ACVR1: variants seen among roughly 807,000 people sequenced by gnomAD.
ACVR1 encodes the protein activin A receptor type 1.
A neutral mutation model predicts 57.1 loss-of-function variants in ACVR1; 38 were observed. That is an observed-to-expected ratio of 0.67 (90% confidence interval 0.51 to 0.87). The LOEUF (loss-of-function observed/expected upper bound fraction) is 0.87. ACVR1 is among the 40% of genes least tolerant of loss of function. The pLI is 0.00. For synonymous variants in ACVR1, 212 were observed against 228.1 expected, an observed-to-expected ratio of 0.93 and a Z score of 0.63; for missense variants, 463 against 638.2, an observed-to-expected ratio of 0.73 and a Z score of 2.96.
chr2:157,843,815 A>G (rs1689048245), intron 1 of ACVR1, among the ~76,000 whole-genome samples: 1 of 152,202 alleles, frequency 6.6e-6, no homozygotes. Context: ...GAAGATAACC[A>G]TTGAATATGA....
chr2:157,792,368 C>T (rs957652080), intron 3 of ACVR1, among the ~76,000 whole-genome samples: 3 of 152,212 alleles, frequency 2.0e-5, no homozygotes, highest in African/African-American at 7.2e-5. Context: ...AATCAGGCCA[C>T]AGCTGCTCCA....
At position 157,774,276 on chromosome 2, in the gene ACVR1, T is replaced by C. The variant is rs1357821752; in HGVS notation, c.544-89A>G. On this transcript the variant is annotated intron_variant, in intron 5 of 10. Transcript: ENST00000434821. ...AGCATGCATGACATTGTAACTCACA[T>C]GAAGGGCAGCAATCCGGGACACGTG... is the stretch of plus-strand genomic sequence containing the variant. The C allele has an allele frequency of 2.9e-6, 3 of 1,045,204 alleles. No homozygotes were observed. The East Asian group carries it at 7.3e-5, about 26-fold the overall frequency. 64.7% of individuals were successfully genotyped at this position (1,045,204 alleles called of 1,614,324 possible).
chr2:157,829,164 T>A (rs1269441900), intron 1 of ACVR1, among the ~76,000 whole-genome samples: 1 of 152,210 alleles, frequency 6.6e-6, no homozygotes, highest in African/African-American at 2.4e-5. Context: ...ACAGTAACAG[T>A]GGGTCTACCA....
intron 1 of ACVR1, among the ~76,000 whole-genome samples, chr2:157,839,531 C>T (rs1688905967): frequency 6.6e-6 from 1 of 152,198 alleles, no homozygotes; most frequent in African/African-American, 2.4e-5. Context: ...AGAAATGGAA[C>T]ACGTGTTTTC....
intron 9 of ACVR1, among the ~76,000 whole-genome samples, chr2:157,751,434 C>T (rs543615957): frequency 1.6e-4 from 25 of 152,208 alleles, no homozygotes; most frequent in Non-Finnish European, 2.9e-4. Context: ...AAATTCTAAC[C>T]GAATGCAAAG....
chr2:157,797,545 T>C (rs998738133), intron 3 of ACVR1, among the ~76,000 whole-genome samples: 2 of 152,214 alleles, frequency 1.3e-5, no homozygotes, highest in African/African-American at 4.8e-5. Flanking sequence ...TCTAGAAAGA[T>C]ATATAACAAC....
chr2:157,848,963 A>C (rs917134853), intron 1 of ACVR1, among the ~76,000 whole-genome samples: 2 of 152,226 alleles, frequency 1.3e-5, no homozygotes, highest in African/African-American at 4.8e-5. Flanking sequence ...AGCAGTTTAG[A>C]GGGAAAGATA....
In ACVR1 at chr2:157,817,381, G is replaced by A. The variant is rs1352008992; in HGVS notation, c.-8+1004C>T. Among the ~76,000 whole-genome samples, 3 of 152,178 alleles carry A rather than the reference G, an allele frequency of 2.0e-5. No individual in the cohort carries two copies. The South Asian group carries it at 6.2e-4, about 32-fold the overall frequency. ...CCAGTGATTGCCAAGGGCTAGTGGG[G>A]ATGGGAAATGAATAGGTAGAACACG... On this transcript the variant is annotated intron_variant, in intron 2 of 10. Transcript: ENST00000434821.
rs769630552 is a variant in ACVR1 at position 157,799,437 on chromosome 2, A to T, written c.57T>A (p.Pro19=). The change falls in exon 3 of 11, where the codon CCT becomes CCA. Residue 19 remains proline (P), a synonymous_variant. Transcript: ENST00000434821. ...ATGTGAGTCACTTACCTTCCATACT[A>T]GGGGAGGGGAGAGCAATCATGATAA... ...PVLIMIALPS[P]SMEDEKPKVN... 6.2e-7 allele frequency: 1 copy of T among 1,611,164 alleles called. No homozygotes were observed. The highest frequency in any genetic ancestry group is 1.3e-5 in the African/African-American group (1 of 74,790).
Position 157,780,627 on chromosome 2 carries a change from A to AGG in ACVR1, c.68-28_68-27insCC, listed in dbSNP as rs768846270. On this transcript the variant is annotated intron_variant, in intron 3 of 10. Coordinates refer to ENST00000434821, the MANE Select transcript of ACVR1 (RefSeq NM_001111067.4). ...TGCAAAGGAGAGAAAGGAAGGGGAA[A>AGG]AAAAAAAAAAAGAGGAATTACCGTA... The AGG allele has an allele frequency of 6.7e-6, 10 of 1,487,430 alleles. No individual in the cohort carries two copies. In the Admixed American group the frequency reaches 1.7e-4, roughly 25 times the overall value. 92.1% of individuals were successfully genotyped at this position (1,487,430 alleles called of 1,614,324 possible).
intron 8 of ACVR1, among the ~76,000 whole-genome samples, chr2:157,763,800 G>T (rs1346081497): frequency 6.6e-6 from 1 of 152,038 alleles, no homozygotes; most frequent in African/African-American, 2.4e-5. Flanking sequence ...GTATATACTG[G>T]TAAGTTATAT....
chr2:157,856,328 A>T (rs998955370), intron 1 of ACVR1, among the ~76,000 whole-genome samples: 2 of 152,244 alleles, frequency 1.3e-5, no homozygotes, highest in East Asian at 3.9e-4. Context: ...CCTGCTTTCA[A>T]CTATTCACTC....
chr2:157,773,969 A>G lies in ACVR1; in HGVS notation c.643+119T>C, dbSNP rs75757074. 8.3e-4 allele frequency: 685 copies of G among 825,568 alleles called. 5 individuals carry two copies. The African/African-American group carries it at 9.8e-3, about 12-fold the overall frequency. The allele number at this position is 825,568 out of a possible 1,614,324, so 51.1% of individuals were successfully genotyped here. On this transcript the variant is annotated intron_variant, in intron 6 of 10. Transcript: ENST00000434821. Reference sequence around the variant, plus strand: ...TCATACAGAATAGAGACCACATCTCATAAGTTTAATAAGGAAACAACAGGT... The same window carrying G: ...TCATACAGAATAGAGACCACATCTCGTAAGTTTAATAAGGAAACAACAGGT...
In ACVR1 at chr2:157,862,587, C is replaced by CTTTTAAAA. The variant is rs1258174505; in HGVS notation, c.-183+13208_-183+13209insTTTTAAAA. On this transcript the variant is annotated intron_variant, in intron 1 of 10. Coordinates refer to ENST00000434821, the MANE Select transcript of ACVR1 (RefSeq NM_001111067.4). ...AAAAGCCTCTTTGAAAAGGTAACTA[C>CTTTTAAAA]TGGCCGGGCGCGGTGGCTCACGCCT... Among the ~76,000 whole-genome samples, 893 of 11,070 alleles carry CTTTTAAAA rather than the reference C, an allele frequency of 0.081. 391 individuals are homozygous for CTTTTAAAA. The East Asian group carries it at 1, about 12-fold the overall frequency. The allele number at this position is 11,070 out of a possible 152,430, so 7.3% of individuals were successfully genotyped here.
At chr2:157,831,512 A>C (rs2105345007) in intron 1 of ACVR1, among the ~76,000 whole-genome samples, 1 of 152,376 alleles carries the variant, frequency 6.6e-6, no homozygotes, top group Admixed American at 6.5e-5. Flanking sequence ...AAATCAAAAA[A>C]CAAATAGGTG....
intron 8 of ACVR1, among the ~76,000 whole-genome samples, chr2:157,764,209 G>T (rs947416543): frequency 6.6e-6 from 1 of 151,844 alleles, no homozygotes; most frequent in Non-Finnish European, 1.5e-5. Context: ...TTTAGACGAA[G>T]TCTCGCTCTG....
chr2:157,871,334 C>G (rs530839984), intron 1 of ACVR1, among the ~76,000 whole-genome samples: 4 of 152,252 alleles, frequency 2.6e-5, no homozygotes, highest in Admixed American at 1.3e-4. Flanking sequence ...ATCTGGGTCC[C>G]CCAAAAAGGA....
intron 1 of ACVR1, among the ~76,000 whole-genome samples, chr2:157,872,109 T>C (rs766058848): frequency 6.6e-6 from 1 of 152,086 alleles, no homozygotes; most frequent in Non-Finnish European, 1.5e-5. Context: ...AAACACAAAG[T>C]TTTCACTCCA....
intron 1 of ACVR1, among the ~76,000 whole-genome samples, chr2:157,855,308 G>T (rs71351541): frequency 3.9e-5 from 2 of 51,674 alleles, no homozygotes; most frequent in East Asian, 4.8e-4. Flanking sequence ...GTGTGTGTGT[G>T]TATATATATA....
Sources: allele counts gnomAD v4.1 joint callset (sites outside exome capture counted in the v4.1 genomes callset), GRCh38; gene constraint gnomAD v4.1.1; transcripts MANE v1.5; gene names NCBI Gene and HGNC (gene_info 2026-07-23, HGNC 2026-07-21).